MRTFB: variants seen among roughly 807,000 people sequenced by gnomAD.
MRTFB encodes myocardin related transcription factor B.
A neutral mutation model predicts 104.2 loss-of-function variants in MRTFB; 29 were observed. That is an observed-to-expected ratio of 0.28 (90% CI 0.21 to 0.38). MRTFB has a LOEUF of 0.38. Ranked by LOEUF, MRTFB falls within the 10% of genes least tolerant of loss-of-function variation. The pLI is 1.00. For missense variants in MRTFB, 1,270 were observed against 1,341.6 expected, an observed-to-expected ratio of 0.95 and a Z score of 0.83; for synonymous variants, 535 against 519.5, an observed-to-expected ratio of 1.03 and a Z score of -0.41.
chr16:14,200,745 T>C (rs1354176405), intron 3 of MRTFB: 1 of 1,492,208 alleles, frequency 6.7e-7, no homozygotes, highest in East Asian at 2.3e-5. Flanking sequence ...TGGTTGGGAC[T>C]TGTTGCCTGT....
intron 5 of MRTFB, 38 bp downstream of exon 5, chr16:14,212,447 CCTT>C (rs756236532): frequency 1.2e-5 from 19 of 1,580,558 alleles, no homozygotes; most frequent in Admixed American, 3.3e-5. Flanking sequence ...ACTTCTCTCT[CCTT>C]CTCTCCTCTC....
chr16:14,227,078 ATATATCT>A (rs752119519), intron 8 of MRTFB, among the ~76,000 whole-genome samples: 1 of 152,084 alleles, frequency 6.6e-6, no homozygotes, highest in Non-Finnish European at 1.5e-5. Context: ...TTTGCAAATC[ATATATCT>A]TATAAGGATT....
chr16:14,028,224 C>T, the MRTFB span, among the ~76,000 whole-genome samples: 1 of 151,900 alleles, frequency 6.6e-6, no homozygotes, highest in African/African-American at 2.4e-5. Flanking sequence ...CAAAACAAAA[C>T]AAACCAAGTA....
chr16:14,232,229 A>C (rs932851327), intron 8 of MRTFB, among the ~76,000 whole-genome samples: 1 of 152,234 alleles, frequency 6.6e-6, no homozygotes, highest in Non-Finnish European at 1.5e-5. Flanking sequence ...CAAACATTTT[A>C]GTCTCTTTCA....
chr16:14,029,994 C>A, the MRTFB span, among the ~76,000 whole-genome samples: 1 of 146,848 alleles, frequency 6.8e-6, no homozygotes, highest in South Asian at 2.2e-4. Flanking sequence ...GGATGCTGGG[C>A]ATGGGGAGGG....
upstream of MRTFB, among the ~76,000 whole-genome samples, chr16:14,067,552 C>T (rs978276347): frequency 6.6e-6 from 1 of 152,134 alleles, no homozygotes; most frequent in Non-Finnish European, 1.5e-5. Flanking sequence ...CATCAAAATT[C>T]TCTTAAGTTT....
At chr16:14,105,430 C>T (rs1296193596) in intron 2 of MRTFB, among the ~76,000 whole-genome samples, 1 of 151,756 alleles carries the variant, frequency 6.6e-6, no homozygotes, top group Non-Finnish European at 1.5e-5. Context: ...CAGGGTCTCG[C>T]TCTGTTGCCC....
At chr16:14,127,913 ATATATATATATATATATTTTTTTTTTTT>A (rs556459249) in intron 2 of MRTFB, among the ~76,000 whole-genome samples, 693 of 45,528 alleles carry the variant, frequency 0.015, 16 homozygotes, top group African/African-American at 0.044. Flanking sequence ...ATATATATAT[ATATATATATATATATATTTTTTTTTTTT>A]TTTTTTTTTT....
At chr16:14,222,569 T>TA (rs1164474863) in intron 8 of MRTFB, among the ~76,000 whole-genome samples, 2 of 59,430 alleles carry the variant, frequency 3.4e-5, no homozygotes, top group Non-Finnish European at 1.5e-4. Flanking sequence ...TTTCCCTGTT[T>TA]AGGTTTTTTT....
At chr16:14,257,266 CAT>C (rs1235152754) in intron 15 of MRTFB, among the ~76,000 whole-genome samples, 1 of 152,192 alleles carries the variant, frequency 6.6e-6, no homozygotes, top group Non-Finnish European at 1.5e-5. Context: ...AGAGAAAACA[CAT>C]GTCTATACAA....
chr16:14,230,504 T>C (rs982283627), intron 8 of MRTFB, among the ~76,000 whole-genome samples: 1 of 152,096 alleles, frequency 6.6e-6, no homozygotes, highest in Non-Finnish European at 1.5e-5. Context: ...AAAGAAGACA[T>C]TTATGCAGCC....
At chr16:14,026,124 T>C in the MRTFB span, among the ~76,000 whole-genome samples, 23 of 152,050 alleles carry the variant, frequency 1.5e-4, 1 homozygote, top group Non-Finnish European at 3.2e-4. Context: ...AACAATATGA[T>C]TACAAAATTT....
At chr16:14,200,321 C>A in intron 3 of MRTFB, 3 of 1,606,702 alleles carry the variant, frequency 1.9e-6, no homozygotes, top group South Asian at 2.2e-5. Context: ...GCTGCGCTGA[C>A]GTGGCTCCCG....
intron 3 of MRTFB, among the ~76,000 whole-genome samples, chr16:14,191,143 C>T (rs998460846): frequency 5.3e-5 from 8 of 152,200 alleles, no homozygotes; most frequent in East Asian, 3.8e-4. Context: ...CTGTCCACTA[C>T]GCACATATGG....
intron 2 of MRTFB, among the ~76,000 whole-genome samples, chr16:14,126,401 C>T (rs1022533930): frequency 2.0e-5 from 3 of 152,070 alleles, no homozygotes; most frequent in African/African-American, 7.2e-5. Flanking sequence ...ATTTATTCAT[C>T]AGAATATTTT....
the MRTFB span, among the ~76,000 whole-genome samples, chr16:14,063,594 G>T: frequency 2.6e-5 from 4 of 152,162 alleles, no homozygotes; most frequent in Non-Finnish European, 5.9e-5. Context: ...TTATAAGTTA[G>T]AACATGTGAT....
intron 8 of MRTFB, among the ~76,000 whole-genome samples, chr16:14,229,617 G>A (rs2042167757): frequency 6.6e-6 from 1 of 152,194 alleles, no homozygotes; most frequent in South Asian, 2.1e-4. Context: ...GCAGACATCT[G>A]AAACAGGATA....
rs184936659 is a variant in MRTFB at position 14,247,152 on chromosome 16, A to T, written c.1892A>T (p.His631Leu). The T allele has an allele frequency of 1.1e-3, 1,786 of 1,614,160 alleles. 14 individuals are homozygous for T. Among genetic ancestry groups the T allele is most frequent in the South Asian group, 1.4e-3 (129 of 91,088 alleles). The change falls in exon 12 of 17, where the codon CAC (histidine) becomes CTC (leucine). Residue 631 changes from histidine (H) to leucine (L), a missense_variant. By Grantham distance (99) the His-to-Leu change is moderately conservative. Around this residue, in one of 3 missense-constraint regions of MRTFB, gnomAD observed 1,144 missense variants for 1,131.5 expected, o/e 1.01. Transcript: ENST00000571589. ...PGHSVKSDQK[H>L]GSLGSSIKDE... ...CATTCTGTCAAGTCAGATCAGAAGC[A>T]CGGCAGCCTTGGCTCCTCCATCAAA...
intron 8 of MRTFB, among the ~76,000 whole-genome samples, chr16:14,232,353 A>G (rs1004708878): frequency 6.6e-6 from 1 of 152,202 alleles, no homozygotes. Context: ...CAACCACGTA[A>G]AGTCATATTC....
Sources: allele counts gnomAD v4.1 joint callset (sites outside exome capture counted in the v4.1 genomes callset), GRCh38; gene constraint gnomAD v4.1.1; regional missense constraint gnomAD v4.1.1; transcripts MANE v1.5; gene names NCBI Gene and HGNC (gene_info 2026-07-23, HGNC 2026-07-21).